The following LANCL2 variants were observed in gnomAD, a reference collection of about 807,000 sequenced individuals.
LANCL2 encodes the protein LanC like glutathione S-transferase 2, also known as lanC-like protein 2.
A neutral mutation model predicts 56.9 loss-of-function variants in LANCL2; 33 were observed. That is an observed-to-expected ratio of 0.58 (90% confidence interval 0.44 to 0.78). The LOEUF is 0.78. Ranked by LOEUF, LANCL2 falls within the 30% of genes least tolerant of loss-of-function variation. The probability of loss-of-function intolerance (pLI) is 0.00; values close to 1 mark genes in which losing one functional copy is unlikely to be tolerated. For missense variants in LANCL2, 562 were observed against 580.2 expected, an observed-to-expected ratio of 0.97 and a Z score of 0.32; for synonymous variants, 233 against 228.2, an observed-to-expected ratio of 1.02 and a Z score of -0.19.
chr7:55,404,737 C>G (rs557845871), intron 5 of LANCL2, among the ~76,000 whole-genome samples: 1 of 152,242 alleles, frequency 6.6e-6, no homozygotes, highest in East Asian at 1.9e-4. Context: ...CCTTAGCCTC[C>G]TGAGTAGCTG....
intron 1 of LANCL2, among the ~76,000 whole-genome samples, chr7:55,369,781 A>G (rs1459134585): frequency 6.6e-6 from 1 of 152,192 alleles, no homozygotes; most frequent in Admixed American, 6.5e-5. Context: ...AGTTTAACTT[A>G]AAGAATTGTT....
rs910235325 is a variant in LANCL2, at chr7:55,403,226, C to T, written c.825+1906C>T. Among the ~76,000 whole-genome samples the T allele has an allele frequency of 2.0e-5, 3 of 152,286 alleles. No individual in the cohort carries two copies. The East Asian group carries it at 5.8e-4, about 29-fold the overall frequency. The stretch of plus-strand genomic sequence containing the variant: ...GAGGCCGAGGCTGGCGGATCACTCG[C>T]GGTTAGGAGCTGGAGACCAGCCTGG... On this transcript the variant is annotated intron_variant, in intron 5 of 8. Coordinates refer to ENST00000254770, the MANE Select transcript of LANCL2 (RefSeq NM_018697.4).
chr7:55,368,805 C>G (rs1426124385), intron 1 of LANCL2, among the ~76,000 whole-genome samples: 1 of 151,164 alleles, frequency 6.6e-6, no homozygotes, highest in Non-Finnish European at 1.5e-5. Context: ...TGATGTAATA[C>G]TGGAATATGA....
At chr7:55,395,667 A>G (rs892453952) in intron 2 of LANCL2, among the ~76,000 whole-genome samples, 2 of 151,740 alleles carry the variant, frequency 1.3e-5, no homozygotes, top group African/African-American at 4.8e-5. Flanking sequence ...TCTAGCATAT[A>G]AAGAGTTTAC....
chr7:55,409,296 A>G (rs561975980), intron 5 of LANCL2, among the ~76,000 whole-genome samples: 43 of 151,536 alleles, frequency 2.8e-4, no homozygotes, highest in Non-Finnish European at 4.9e-4. Flanking sequence ...GTTTCACCGT[A>G]TTAGCCAGGA....
chr7:55,411,692 C>T (rs1181201962), intron 5 of LANCL2, among the ~76,000 whole-genome samples: 1 of 152,168 alleles, frequency 6.6e-6, no homozygotes, highest in Non-Finnish European at 1.5e-5. Flanking sequence ...TAGTCCTAAT[C>T]CACCAAAGAA....
intron 3 of LANCL2, among the ~76,000 whole-genome samples, chr7:55,399,674 ACTTT>A (rs1245452087): frequency 2.0e-5 from 3 of 152,180 alleles, no homozygotes; most frequent in Non-Finnish European, 4.4e-5. Context: ...ATTTTAAATC[ACTTT>A]CTTTTACTTC....
chr7:55,373,338 T>C (rs922657486), intron 1 of LANCL2, among the ~76,000 whole-genome samples: 4 of 152,106 alleles, frequency 2.6e-5, no homozygotes, highest in African/African-American at 9.7e-5. Flanking sequence ...TTTCCCAGAC[T>C]GGACCACACT....
intron 1 of LANCL2, among the ~76,000 whole-genome samples, chr7:55,389,024 T>G (rs1209366605): frequency 2.0e-5 from 3 of 152,236 alleles, no homozygotes; most frequent in Non-Finnish European, 4.4e-5. Flanking sequence ...TGCCTGTGCT[T>G]CTTGTTTGTA....
At chr7:55,387,649 A>C (rs1365993519) in intron 1 of LANCL2, among the ~76,000 whole-genome samples, 2 of 152,034 alleles carry the variant, frequency 1.3e-5, no homozygotes, top group African/African-American at 4.8e-5. Context: ...TAGAGGATTA[A>C]TGTTACAAAG....
At chr7:55,417,042 C>T (rs1478387050) in intron 6 of LANCL2, among the ~76,000 whole-genome samples, 4 of 142,164 alleles carry the variant, frequency 2.8e-5, no homozygotes, top group African/African-American at 8.0e-5. Context: ...TGCAGTGGCA[C>T]GATCTCTGCT....
chr7:55,409,867 T>TTTA (rs1423391326), intron 5 of LANCL2, among the ~76,000 whole-genome samples: 2 of 152,040 alleles, frequency 1.3e-5, no homozygotes, highest in Non-Finnish European at 2.9e-5. Context: ...AACTAAAAGG[T>TTTA]GTAAAAGAAT....
chr7:55,376,378 G>T (rs1789999913), intron 1 of LANCL2, among the ~76,000 whole-genome samples: 1 of 152,204 alleles, frequency 6.6e-6, no homozygotes, highest in African/African-American at 2.4e-5. Flanking sequence ...ACTCCGCATG[G>T]ACAGCCCTGC....
intron 1 of LANCL2, among the ~76,000 whole-genome samples, chr7:55,366,722 C>T (rs1257369488): frequency 6.6e-6 from 1 of 152,256 alleles, no homozygotes; most frequent in Admixed American, 6.5e-5. Flanking sequence ...CCAAACTTGA[C>T]TTTCTTAGTG....
At chr7:55,368,284 A>G (rs1789898052) in intron 1 of LANCL2, among the ~76,000 whole-genome samples, 1 of 152,214 alleles carries the variant, frequency 6.6e-6, no homozygotes, top group South Asian at 2.1e-4. Flanking sequence ...TCAGTTATAT[A>G]CCTGATTTAT....
intron 1 of LANCL2, among the ~76,000 whole-genome samples, chr7:55,375,745 C>T (rs1562856487): frequency 6.6e-6 from 1 of 152,184 alleles, no homozygotes; most frequent in Non-Finnish European, 1.5e-5. Flanking sequence ...TTCAAGGCTG[C>T]CTTCTCTCCT....
chr7:55,429,690 T>C (rs1347546683), intron 8 of LANCL2, among the ~76,000 whole-genome samples: 1 of 152,248 alleles, frequency 6.6e-6, no homozygotes, highest in Non-Finnish European at 1.5e-5. Context: ...AAAAATGCAA[T>C]GCATTTGCAT....
intron 5 of LANCL2, among the ~76,000 whole-genome samples, chr7:55,404,573 T>TGCATATA (rs1347063571): frequency 1.3e-5 from 2 of 152,198 alleles, no homozygotes; most frequent in Non-Finnish European, 2.9e-5. Flanking sequence ...AAGTAAAACA[T>TGCATATA]GCATATATGC....
In LANCL2 at chr7:55,385,489, G is replaced by A. The variant is rs1239261635; in HGVS notation, c.205-6304G>A. Among the ~76,000 whole-genome samples, 4 of 152,250 alleles carry A rather than the reference G, an allele frequency of 2.6e-5. No individual in the cohort carries two copies. The East Asian group carries it at 5.8e-4, about 22-fold the overall frequency. ...AAAGAAATTTTAAAGCTGGGCGTCC[G>A]GGGGAGACATCACACATTGGTAGGA... is the stretch of plus-strand genomic sequence containing the variant. On this transcript the variant is annotated intron_variant, in intron 1 of 8. Coordinates refer to ENST00000254770, the MANE Select transcript of LANCL2 (RefSeq NM_018697.4).
Sources: allele counts gnomAD v4.1 joint callset (sites outside exome capture counted in the v4.1 genomes callset), GRCh38; gene constraint gnomAD v4.1.1; transcripts MANE v1.5; gene names NCBI Gene and HGNC (gene_info 2026-07-23, HGNC 2026-07-21).